Variants in TTC7B observed in about 807,000 individuals in gnomAD.
The protein encoded by TTC7B is tetratricopeptide repeat domain 7B.
TTC7B carries 28 observed loss-of-function variants against 106.8 expected under a neutral mutation model. That is an observed-to-expected ratio of 0.26 (90% CI 0.19 to 0.36). TTC7B has a LOEUF of 0.36. TTC7B is among the 10% of genes least tolerant of loss of function. The probability of loss-of-function intolerance (pLI) is 1.00; values close to 1 mark genes in which losing one functional copy is unlikely to be tolerated. For synonymous variants in TTC7B, 405 were observed against 430.6 expected (o/e 0.94, Z 0.74); for missense variants, 862 against 1,076.4 (o/e 0.80, Z 2.79).
At chr14:90,634,564 G>A (rs543443731) in intron 15 of TTC7B, among the ~76,000 whole-genome samples, 2 of 152,216 alleles carry the variant, frequency 1.3e-5, no homozygotes, top group South Asian at 4.2e-4. Context: ...CTGAGGTCAG[G>A]AGTTCAAGAC....
At chr14:90,776,764 C>T (rs1414033500) in intron 3 of TTC7B, among the ~76,000 whole-genome samples, 1 of 152,144 alleles carries the variant, frequency 6.6e-6, no homozygotes, top group Non-Finnish European at 1.5e-5. Context: ...ACTGAGACCC[C>T]ATTCTGCCAC....
At chr14:90,549,096 A>G (rs946861296) in intron 19 of TTC7B, among the ~76,000 whole-genome samples, 2 of 151,216 alleles carry the variant, frequency 1.3e-5, no homozygotes, top group East Asian at 3.9e-4. Flanking sequence ...CCACCGCACT[A>G]CAGCCTGGGC....
rs1892741225 is a variant in TTC7B, at chr14:90,608,476, G to C, written c.1966+2266C>G. Among the ~76,000 whole-genome samples the C allele has an allele frequency of 6.6e-6, 1 of 152,170 alleles. No individual in the cohort carries two copies. On this transcript the variant is annotated intron_variant, in intron 17 of 19. Transcript: ENST00000328459. The surrounding 1 kb of genome is among the most constrained non-coding windows in gnomAD (Gnocchi z 5.1). ...AACCGTCTGTGGCAGTGCCTGGGAG[G>C]CTGTGGCTTCCCTGTTGTTGAGGAA...
intron 17 of TTC7B, among the ~76,000 whole-genome samples, chr14:90,603,652 T>C (rs1203691818): frequency 6.6e-6 from 1 of 152,214 alleles, no homozygotes; most frequent in African/African-American, 2.4e-5. Context: ...TTAACCCTAA[T>C]CATGATTCCA....
Position 90,613,796 on chromosome 14 carries a change from C to T in TTC7B, c.1869-2957G>A, listed in dbSNP as rs542460102. On this transcript the variant is annotated intron_variant, in intron 16 of 19. Transcript: ENST00000328459. ...ATTCCTGGTGAGTGTTGTAGTAGAG[C>T]GAAAGGAAACTGGAAGGACCCCAGA... Among the ~76,000 whole-genome samples, 4 of 152,348 alleles carry T rather than the reference C, an allele frequency of 2.6e-5. No homozygotes were observed. In the East Asian group the frequency reaches 5.8e-4, roughly 22 times the overall value.
At chr14:90,548,345 C>A (rs1193191572) in intron 19 of TTC7B, among the ~76,000 whole-genome samples, 3 of 152,180 alleles carry the variant, frequency 2.0e-5, no homozygotes, top group African/African-American at 7.2e-5. Context: ...CCACCATTAC[C>A]CTTTGCAGGG....
In TTC7B at chr14:90,807,591, T is replaced by G. The variant is rs1269127972; in HGVS notation, c.121+8584A>C. ...GGTGACCTGCTCACTCTATTTCTTC[T>G]GATGCCCCTCTGATACCTGGTGCTG... On this transcript the variant is annotated intron_variant, in intron 1 of 19. Transcript: ENST00000328459. The surrounding 1 kb of genome is among the most constrained non-coding windows in gnomAD (Gnocchi z 4.1). Among the ~76,000 whole-genome samples the G allele has an allele frequency of 2.6e-5, 4 of 152,202 alleles. No homozygotes were observed. Among genetic ancestry groups the G allele is most frequent in the Admixed American group, 6.5e-5 (1 of 15,280 alleles).
chr14:90,789,830 A>G (rs2140044598), intron 1 of TTC7B, among the ~76,000 whole-genome samples: 1 of 151,486 alleles, frequency 6.6e-6, no homozygotes, highest in East Asian at 2.0e-4. Context: ...TGGGGGGTGG[A>G]GCTTGCAGTA....
intron 18 of TTC7B, among the ~76,000 whole-genome samples, chr14:90,582,008 C>G (rs1891516104): frequency 6.6e-6 from 1 of 152,154 alleles, no homozygotes. Flanking sequence ...AGGCCTGTGA[C>G]CCTGACAGAT....
intron 18 of TTC7B, among the ~76,000 whole-genome samples, chr14:90,582,331 TGGG>T (rs1321207126): frequency 6.6e-6 from 1 of 152,208 alleles, no homozygotes; most frequent in Non-Finnish European, 1.5e-5. Context: ...TGTGTGGCCT[TGGG>T]CAAGTCAATC....
intron 9 of TTC7B, among the ~76,000 whole-genome samples, chr14:90,667,787 G>A (rs1470817150): frequency 6.6e-6 from 1 of 152,140 alleles, no homozygotes; most frequent in Non-Finnish European, 1.5e-5. Flanking sequence ...TCAAAATTTG[G>A]TGGACTCAAT....
In TTC7B at chr14:90,802,558, G is replaced by A. The variant is rs561925799; in HGVS notation, c.121+13617C>T. On this transcript the variant is annotated intron_variant, in intron 1 of 19. Coordinates refer to ENST00000328459, the MANE Select transcript of TTC7B (RefSeq NM_001010854.2). The surrounding 1 kb of genome is among the most constrained non-coding windows in gnomAD (Gnocchi z 4.7). ...TAATTGCTTTTATTTCCTCAGTAAA[G>A]TATGAGGCAAGGTCATGAGCTAGGC... 8.5e-5 allele frequency among the ~76,000 whole-genome samples: 13 copies of A among 152,298 alleles called. No individual in the cohort carries two copies. The South Asian group carries it at 2.7e-3, about 32-fold the overall frequency.
At chr14:90,565,483 C>A (rs1325888385) in intron 19 of TTC7B, among the ~76,000 whole-genome samples, 1 of 145,680 alleles carries the variant, frequency 6.9e-6, no homozygotes, top group Admixed American at 7.4e-5. Flanking sequence ...CTCACTGCAA[C>A]CTCCAACTCC....
intron 19 of TTC7B, among the ~76,000 whole-genome samples, chr14:90,561,155 C>T (rs1167104166): frequency 6.6e-6 from 1 of 152,210 alleles, no homozygotes; most frequent in Non-Finnish European, 1.5e-5. Flanking sequence ...GACACTGATC[C>T]TGCAGTGGGC....
chr14:90,720,513 G>A (rs898232123), intron 5 of TTC7B, among the ~76,000 whole-genome samples: 39 of 152,240 alleles, frequency 2.6e-4, no homozygotes, highest in Middle Eastern at 3.4e-3. Context: ...AACCAACAGC[G>A]GAGGGCAGTA....
intron 14 of TTC7B, chr14:90,645,130 C>T (rs73326853): frequency 0.057 from 8,694 of 152,278 alleles, 327 homozygotes; most frequent in African/African-American, 0.1. Flanking sequence ...CTTCCGGTCT[C>T]GCTCCAACTC....
At chr14:90,755,093 T>C (rs1159709960) in intron 3 of TTC7B, among the ~76,000 whole-genome samples, 1 of 152,226 alleles carries the variant, frequency 6.6e-6, no homozygotes, top group African/African-American at 2.4e-5. Flanking sequence ...CACCACTTTC[T>C]ATTTACGCAT....
At chr14:90,616,052 C>T (rs1052499054) in intron 16 of TTC7B, among the ~76,000 whole-genome samples, 2 of 152,182 alleles carry the variant, frequency 1.3e-5, no homozygotes, top group South Asian at 2.1e-4. Context: ...TTTTTTTCTC[C>T]TCACATTCAA....
At chr14:90,542,130 AG>A (rs1474723627) in intron 19 of TTC7B, among the ~76,000 whole-genome samples, 4 of 152,094 alleles carry the variant, frequency 2.6e-5, no homozygotes, top group Non-Finnish European at 4.4e-5. Context: ...TAGTAGAGAC[AG>A]GGTTTCACCA....
Sources: allele counts gnomAD v4.1 joint callset (sites outside exome capture counted in the v4.1 genomes callset), GRCh38; gene constraint gnomAD v4.1.1; non-coding constraint Gnocchi (gnomAD v3.1); transcripts MANE v1.5; gene names NCBI Gene and HGNC (gene_info 2026-07-23, HGNC 2026-07-21).